The following B3GALT1 variants were observed in gnomAD, a reference collection of about 807,000 sequenced individuals.
B3GALT1 encodes beta-1,3-galactosyltransferase 1, also known as UDP-Gal:betaGlcNAc beta 1,3-galactosyltransferase, polypeptide 1.
A neutral mutation model predicts 23.2 loss-of-function variants in B3GALT1; 10 were observed. The observed-to-expected ratio is 0.43, with a 90% CI of 0.27 to 0.73. B3GALT1 has a LOEUF of 0.73. Among genes scored for constraint, B3GALT1 ranks in the 30% least tolerant of loss-of-function variants. B3GALT1 has a pLI of 0.21. For synonymous variants in B3GALT1, 156 were observed against 141.5 expected, an observed-to-expected ratio of 1.10 and a Z score of -0.73; for missense variants, 299 against 405.4, an observed-to-expected ratio of 0.74 and a Z score of 2.25.
chr2:167,578,841 G>A, intron 2 of B3GALT1, among the ~76,000 whole-genome samples: 1 of 152,016 alleles, frequency 6.6e-6, no homozygotes, highest in East Asian at 1.9e-4. Flanking sequence ...CAGGTACCAA[G>A]AGTTATGGGG....
At chr2:167,409,231 G>A (rs1178516422) in intron 1 of B3GALT1, among the ~76,000 whole-genome samples, 8 of 152,022 alleles carry the variant, frequency 5.3e-5, no homozygotes, top group African/African-American at 1.4e-4. Flanking sequence ...ATGTGTCTTG[G>A]GGTTGCTCTT....
chr2:167,521,190 A>G (rs1700182355), intron 2 of B3GALT1, among the ~76,000 whole-genome samples: 1 of 152,084 alleles, frequency 6.6e-6, no homozygotes, highest in Non-Finnish European at 1.5e-5. Flanking sequence ...TCTTGCTTCC[A>G]TTTTAGTAGA....
intron 1 of B3GALT1, among the ~76,000 whole-genome samples, chr2:167,447,158 T>C (rs1422806183): frequency 1.3e-5 from 2 of 152,156 alleles, no homozygotes; most frequent in Non-Finnish European, 2.9e-5. Flanking sequence ...GTATCACCAG[T>C]GGAGGCTGCA....
At chr2:167,835,256 G>T (rs1689435984) in intron 4 of B3GALT1, among the ~76,000 whole-genome samples, 1 of 152,224 alleles carries the variant, frequency 6.6e-6, no homozygotes, top group African/African-American at 2.4e-5. Context: ...AGCGCAAGGG[G>T]TCAGGGAGTT....
At chr2:167,401,204 A>C (rs956837636) in intron 1 of B3GALT1, among the ~76,000 whole-genome samples, 2 of 152,176 alleles carry the variant, frequency 1.3e-5, no homozygotes, top group East Asian at 3.9e-4. Flanking sequence ...GTTTGATCAC[A>C]GATAGAATAA....
At chr2:167,764,618 A>T (rs1687946719) in intron 3 of B3GALT1, among the ~76,000 whole-genome samples, 1 of 152,228 alleles carries the variant, frequency 6.6e-6, no homozygotes, top group Non-Finnish European at 1.5e-5. Flanking sequence ...AATAAGTTTT[A>T]TAATTATATT....
At chr2:167,348,428 A>G (rs1697258155) in intron 1 of B3GALT1, among the ~76,000 whole-genome samples, 1 of 152,190 alleles carries the variant, frequency 6.6e-6, no homozygotes. Flanking sequence ...TCATGCATAG[A>G]TAAAACTTCG....
intron 1 of B3GALT1, among the ~76,000 whole-genome samples, chr2:167,482,797 G>A (rs894405105): frequency 1.3e-4 from 20 of 152,026 alleles, no homozygotes; most frequent in African/African-American, 2.4e-4. Context: ...CTGAGATGGC[G>A]CCACTGCACT....
intron 2 of B3GALT1, among the ~76,000 whole-genome samples, chr2:167,512,637 C>CGTATAT (rs1370092531): frequency 3.1e-5 from 2 of 64,940 alleles, no homozygotes; most frequent in African/African-American, 1.6e-4. Flanking sequence ...TATATATATA[C>CGTATAT]ATATATATAT....
chr2:167,586,315 T>C (rs1328522214), intron 2 of B3GALT1, among the ~76,000 whole-genome samples: 1 of 152,192 alleles, frequency 6.6e-6, no homozygotes, highest in Non-Finnish European at 1.5e-5. Flanking sequence ...TTTTTTTTTC[T>C]TTGAGATGGA....
At chr2:167,615,061 CAA>C (rs1685135517) in intron 2 of B3GALT1, among the ~76,000 whole-genome samples, 1 of 151,868 alleles carries the variant, frequency 6.6e-6, no homozygotes, top group African/African-American at 2.4e-5. Flanking sequence ...CAAGAAGTAA[CAA>C]ATGAAAATAA....
At chr2:167,820,213 A>C (rs985511222) in intron 4 of B3GALT1, among the ~76,000 whole-genome samples, 6 of 152,262 alleles carry the variant, frequency 3.9e-5, no homozygotes, top group African/African-American at 1.4e-4. Context: ...GACTAAAAAC[A>C]AAACAGAAAA....
At chr2:167,321,151 A>G (rs1008279835) in intron 1 of B3GALT1, among the ~76,000 whole-genome samples, 3 of 152,050 alleles carry the variant, frequency 2.0e-5, no homozygotes, top group African/African-American at 7.2e-5. Flanking sequence ...ACATCTGATA[A>G]TATGACCCCC....
At position 167,754,384 on chromosome 2, in the gene B3GALT1, G is replaced by T. The variant is rs573994477; in HGVS notation, c.-351-64288G>T. Among the ~76,000 whole-genome samples, 4 of 152,234 alleles carry T rather than the reference G, an allele frequency of 2.6e-5. No homozygotes were observed. The East Asian group carries it at 7.7e-4, about 29-fold the overall frequency. On this transcript the variant is annotated intron_variant, in intron 3 of 4. Transcript: ENST00000392690. ...ATTTAAAAGACCATTTCCCACTACC[G>T]TATCCTCTAGAGGTTTTGATTCAGT...
At chr2:167,441,001 G>T (rs913903563) in intron 1 of B3GALT1, among the ~76,000 whole-genome samples, 1 of 152,184 alleles carries the variant, frequency 6.6e-6, no homozygotes, top group South Asian at 2.1e-4. Flanking sequence ...ATATTATAAA[G>T]AATAGAGTCT....
chr2:167,744,612 A>G (rs1687624470), intron 3 of B3GALT1, among the ~76,000 whole-genome samples: 1 of 150,848 alleles, frequency 6.6e-6, no homozygotes, highest in Admixed American at 6.6e-5. Context: ...TTTTTCTGAG[A>G]CAGAGTTACA....
chr2:167,347,801 A>G (rs1267915159), intron 1 of B3GALT1, among the ~76,000 whole-genome samples: 3 of 152,154 alleles, frequency 2.0e-5, no homozygotes, highest in Non-Finnish European at 4.4e-5. Flanking sequence ...TTCTTTGACC[A>G]TGTAGAAAAA....
At chr2:167,349,599 A>G (rs1032347051) in intron 1 of B3GALT1, among the ~76,000 whole-genome samples, 1 of 152,166 alleles carries the variant, frequency 6.6e-6, no homozygotes, top group African/African-American at 2.4e-5. Flanking sequence ...AACTTATGCT[A>G]ATTTTACTGT....
intron 3 of B3GALT1, among the ~76,000 whole-genome samples, chr2:167,804,611 AATG>A (rs1217362571): frequency 6.6e-6 from 1 of 152,014 alleles, no homozygotes; most frequent in Non-Finnish European, 1.5e-5. Context: ...GTTTGCTGAG[AATG>A]ATGGTTTCCA....
Sources: gnomAD v4.1 joint callset for allele counts (sites outside exome capture counted in the v4.1 genomes callset) on GRCh38, gnomAD v4.1.1 for gene constraint, MANE v1.5 for transcripts, NCBI Gene and HGNC (gene_info 2026-07-23, HGNC 2026-07-21) for gene names.